The following TP53INP1 variants were observed in gnomAD, a reference collection of about 807,000 sequenced individuals.
The protein encoded by TP53INP1 is tumor protein p53-inducible nuclear protein 1.
In TP53INP1, 12 loss-of-function variants were observed where a neutral mutation model predicts 21.0. The ratio of observed to expected loss-of-function variants is 0.57; its 90% confidence interval spans 0.37 to 0.93. TP53INP1 has a LOEUF of 0.93. Among genes scored for constraint, TP53INP1 ranks in the 40% least tolerant of loss-of-function variants. The probability of loss-of-function intolerance (pLI) is 0.01; values close to 1 mark genes in which losing one functional copy is unlikely to be tolerated. For missense variants in TP53INP1, 274 were observed against 294.7 expected, an observed-to-expected ratio of 0.93 and a Z score of 0.51; for synonymous variants, 91 against 94.8, an observed-to-expected ratio of 0.96 and a Z score of 0.23.
At position 94,926,472 on chromosome 8, in the gene TP53INP1, A is replaced by T. The variant is rs1409849222; in HGVS notation, c.*4007T>A. The T allele has an allele frequency of 6.6e-6, 1 of 152,166 alleles. No individual in the cohort carries two copies. Among genetic ancestry groups the T allele is most frequent in the Non-Finnish European group, 1.5e-5 (1 of 68,016 alleles). 9.4% of individuals were successfully genotyped at this position (152,166 alleles called of 1,614,324 possible). On this transcript the variant is annotated 3_prime_UTR_variant, in exon 4 of 4. Coordinates refer to ENST00000342697, the MANE Select transcript of TP53INP1 (RefSeq NM_033285.4). ...TAAAGTTCAAAATCTCTGGAGGAAA[A>T]TACAAGCAAAACCACTCATACACTC...
Position 94,940,105 on chromosome 8 carries a change from C to T in TP53INP1, c.228G>A (p.Leu76=). The T allele has an allele frequency of 6.2e-7, 1 of 1,614,208 alleles. No homozygotes were observed. Among genetic ancestry groups the T allele is most frequent in the Non-Finnish European group, 8.5e-7 (1 of 1,180,042 alleles). The change falls in exon 3 of 4, where the codon TTG becomes TTA. Residue 76 remains leucine (L), a synonymous_variant. Transcript: ENST00000342697. The part of the protein sequence containing the change: ...FSCLPASLEC[L]ADTSDSCFLQ... ...GAAAGCAGGAATCACTTGTATCAGCCAAGCACTCAAGAGATGCCGGTAAAC... is the reference window on the plus strand; with the variant it reads ...GAAAGCAGGAATCACTTGTATCAGCTAAGCACTCAAGAGATGCCGGTAAAC...
intron 1 of TP53INP1, among the ~76,000 whole-genome samples, chr8:94,942,262 G>A (rs781660969): frequency 5.3e-5 from 8 of 151,526 alleles, no homozygotes; most frequent in East Asian, 3.9e-4. Flanking sequence ...GGATGGTCTC[G>A]ATCTCCTGAC....
rs879244559 is a variant in TP53INP1, at chr8:94,927,882, C to A, written c.*2597G>T. The A allele has an allele frequency of 6.7e-6, 1 of 148,974 alleles. No individual in the cohort carries two copies. Among genetic ancestry groups the A allele is most frequent in the Non-Finnish European group, 1.5e-5 (1 of 67,404 alleles). The allele number at this position is 148,974 out of a possible 1,614,324, so 9.2% of individuals were successfully genotyped here. ...GCATTTTAAAGAAATATGTCTAAAG[C>A]GCATTGTAAACCACTAATATTTACA... On this transcript the variant is annotated 3_prime_UTR_variant, in exon 4 of 4. Coordinates refer to ENST00000342697, the MANE Select transcript of TP53INP1 (RefSeq NM_033285.4).
In TP53INP1 at chr8:94,940,011, C is replaced by T; in HGVS notation, c.322G>A (p.Gly108Arg). The T allele has an allele frequency of 6.2e-7, 1 of 1,614,148 alleles. No homozygotes were observed. The highest frequency in any genetic ancestry group is 1.1e-5 in the South Asian group (1 of 91,076). ...ITPPPCFTAG[G>R]LTTIKVETSP... is the part of the protein sequence containing the mutation. ...GTTTCCACCTTGATAGTGGTTAATC[C>T]ACCTGCAGTAAAACATGGGGGTGGG... is the stretch of plus-strand genomic sequence containing the variant. The change falls in exon 3 of 4, where the codon GGA (glycine) becomes AGA (arginine). Residue 108 changes from glycine to arginine, a missense_variant. Physicochemically the swap from Gly to Arg is moderately radical, Grantham distance 125 (BLOSUM62 -2). Coordinates refer to ENST00000342697, the MANE Select transcript of TP53INP1 (RefSeq NM_033285.4).
At chr8:94,946,489 C>T (rs1024849809) in intron 1 of TP53INP1, among the ~76,000 whole-genome samples, 1 of 151,522 alleles carries the variant, frequency 6.6e-6, no homozygotes. Context: ...TCACTTTAAG[C>T]CAGGAGTTCA....
At position 94,927,490 on chromosome 8, in the gene TP53INP1, A is replaced by G. The variant is rs569203891; in HGVS notation, c.*2989T>C. 4.6e-5 allele frequency: 7 copies of G among 152,300 alleles called. No homozygotes were observed. The South Asian group carries it at 1.5e-3, about 32-fold the overall frequency. 9.4% of individuals were successfully genotyped at this position (152,300 alleles called of 1,614,324 possible). On this transcript the variant is annotated 3_prime_UTR_variant, in exon 4 of 4. Transcript: ENST00000342697. ...GATTGGAAAAATGTATAGGAAATTAATATTTCTTAAAAGCTCCCTGCGATA... is the reference window on the plus strand; with the variant it reads ...GATTGGAAAAATGTATAGGAAATTAGTATTTCTTAAAAGCTCCCTGCGATA...
intron 1 of TP53INP1, among the ~76,000 whole-genome samples, chr8:94,941,548 G>C (rs1415001922): frequency 6.6e-6 from 1 of 152,168 alleles, no homozygotes; most frequent in African/African-American, 2.4e-5. Context: ...GTCTATAACT[G>C]TAAGCACACC....
chr8:94,937,886 A>G (rs951732303), intron 3 of TP53INP1, among the ~76,000 whole-genome samples: 1 of 152,176 alleles, frequency 6.6e-6, no homozygotes, highest in African/African-American at 2.4e-5. Context: ...ACCTTACCCT[A>G]TCTGAATGGG....
Position 94,941,133 on chromosome 8 carries a change from G to A in TP53INP1, c.-150-42C>T, listed in dbSNP as rs1821488421. 6.9e-6 allele frequency: 4 copies of A among 575,770 alleles called. No individual in the cohort carries two copies. The South Asian group carries it at 8.7e-5, about 12-fold the overall frequency. The allele number at this position is 575,770 out of a possible 1,614,324, so 35.7% of individuals were successfully genotyped here. On this transcript the variant is annotated intron_variant, in intron 1 of 3. Transcript: ENST00000342697. ...AAAGGAAGTTATTTCAAATCAGCAT[G>A]CACATATATACATAAGTACATACAC...
intron 1 of TP53INP1, among the ~76,000 whole-genome samples, chr8:94,948,529 ACAGGCGGGGG>A (rs1822219079): frequency 6.6e-6 from 1 of 152,178 alleles, no homozygotes; most frequent in South Asian, 2.1e-4. Flanking sequence ...CAGGCCGCGG[ACAGGCGGGGG>A]CCGGTGGCCG....
At position 94,930,417 on chromosome 8, in the gene TP53INP1, A is replaced by G. The variant is rs553286088; in HGVS notation, c.*62T>C. 4.2e-5 allele frequency: 67 copies of G among 1,597,108 alleles called. No homozygotes were observed. Among genetic ancestry groups the G allele is most frequent in the Non-Finnish European group, 5.6e-5 (65 of 1,168,624 alleles). ...AAGAGACAACATTTTCACTGTACAT[A>G]TACACACATCCATACATGTAAGCAC... On this transcript the variant is annotated 3_prime_UTR_variant, in exon 4 of 4. Transcript: ENST00000342697.
chr8:94,930,547 G>A lies in TP53INP1; in HGVS notation c.655C>T (p.His219Tyr), dbSNP rs1299383937. The change falls in exon 4 of 4, where the codon CAC (histidine) becomes TAC (tyrosine). Residue 219 changes from histidine to tyrosine, a missense_variant. Coordinates refer to ENST00000342697, the MANE Select transcript of TP53INP1 (RefSeq NM_033285.4). ...LRRQNLTRDC[H>Y]PRQVKHNGWV... ...CCATTGTGCTTGACTTGCCGAGGGT[G>A]GCAATCCCTGGTAAGATTTTGGCGA... The A allele has an allele frequency of 6.2e-7, 1 of 1,614,118 alleles. No homozygotes were observed. The highest frequency in any genetic ancestry group is 8.5e-7 in the Non-Finnish European group (1 of 1,180,044).
intron 3 of TP53INP1, among the ~76,000 whole-genome samples, chr8:94,933,837 G>GC (rs1380216706): frequency 2.7e-5 from 4 of 148,148 alleles, no homozygotes; most frequent in Non-Finnish European, 6.0e-5. Context: ...CACTTTGTGG[G>GC]GGGGGGGGGA....
At position 94,939,930 on chromosome 8, in the gene TP53INP1, G is replaced by A. The variant is rs1158780733; in HGVS notation, c.403C>T (p.His135Tyr). The stretch of plus-strand genomic sequence containing the variant: ...TCACTGAGACCAGGGCAGGAGTTAT[G>A]CACAGCATAGACAGACATGCTGGGA... ...EHPSMSVYAVHNSCPGLSEAT... is the reference protein window; with the variant it reads ...EHPSMSVYAVYNSCPGLSEAT... The change falls in exon 3 of 4, where the codon CAT becomes TAT. Residue 135 changes from histidine (H) to tyrosine (Y), a missense_variant. Physicochemically the swap from His to Tyr is moderately conservative, Grantham distance 83. Transcript: ENST00000342697. 1 of 1,614,148 alleles carries A rather than the reference G, an allele frequency of 6.2e-7. No homozygotes were observed. The highest frequency in any genetic ancestry group is 1.7e-5 in the Admixed American group (1 of 60,024).
At chr8:94,931,984 A>T (rs543441818) in intron 3 of TP53INP1, 14 of 1,360,984 alleles carry the variant, frequency 1.0e-5, no homozygotes, top group Middle Eastern at 1.8e-4. Context: ...AAAAAGAAAG[A>T]AAGTCATTTT....
intron 3 of TP53INP1, among the ~76,000 whole-genome samples, chr8:94,933,368 A>G (rs938749402): frequency 1.3e-5 from 2 of 152,242 alleles, no homozygotes; most frequent in African/African-American, 2.4e-5. Context: ...CTAGAAAACC[A>G]TAACAACCTT....
intron 3 of TP53INP1, among the ~76,000 whole-genome samples, chr8:94,935,358 T>C (rs1266109619): frequency 6.6e-6 from 1 of 152,152 alleles, no homozygotes; most frequent in East Asian, 1.9e-4. Context: ...CAGTGTGACT[T>C]TCAGCTAATT....
At chr8:94,941,302 T>C (rs1365427275) in intron 1 of TP53INP1, among the ~76,000 whole-genome samples, 1 of 152,200 alleles carries the variant, frequency 6.6e-6, no homozygotes, top group Non-Finnish European at 1.5e-5. Flanking sequence ...TATCTTAAAA[T>C]GTGAAATAAA....
chr8:94,932,895 C>T (rs1348701397), intron 3 of TP53INP1, among the ~76,000 whole-genome samples: 1 of 152,140 alleles, frequency 6.6e-6, no homozygotes, highest in South Asian at 2.1e-4. Flanking sequence ...CAGGAGTTTC[C>T]TGTGTACAAA....
Sources: allele counts gnomAD v4.1 joint callset (sites outside exome capture counted in the v4.1 genomes callset), GRCh38; gene constraint gnomAD v4.1.1; transcripts MANE v1.5; gene names NCBI Gene and HGNC (gene_info 2026-07-23, HGNC 2026-07-21).